Variants in TRHDE observed in about 807,000 individuals in gnomAD.
TRHDE encodes the protein thyrotropin-releasing hormone-degrading ectoenzyme.
TRHDE carries 72 observed loss-of-function variants against 125.7 expected under a neutral mutation model. That is an observed-to-expected ratio of 0.57 (90% CI 0.47 to 0.70). TRHDE has a LOEUF of 0.70. Among genes scored for constraint, TRHDE ranks in the 30% least tolerant of loss-of-function variants. The probability of loss-of-function intolerance (pLI) is 0.00; values close to 1 mark genes in which losing one functional copy is unlikely to be tolerated. For synonymous variants in TRHDE, 509 were observed against 509.1 expected, an observed-to-expected ratio of 1.00 and a Z score of 0.00; for missense variants, 1,110 against 1,327.1, an observed-to-expected ratio of 0.84 and a Z score of 2.54.
intron 5 of TRHDE, among the ~76,000 whole-genome samples, chr12:72,491,760 T>TAA (rs1877695268): frequency 6.6e-6 from 1 of 151,970 alleles, no homozygotes; most frequent in Non-Finnish European, 1.5e-5. Flanking sequence ...TATAATCGCT[T>TAA]TTTAAGTTTA....
chr12:72,455,828 C>A (rs1029406683), intron 3 of TRHDE, among the ~76,000 whole-genome samples: 2 of 151,864 alleles, frequency 1.3e-5, no homozygotes, highest in Non-Finnish European at 2.9e-5. Flanking sequence ...TGGGACAGAA[C>A]CCACAAGTAT....
At chr12:72,596,511 A>G (rs1871947205) in intron 12 of TRHDE, among the ~76,000 whole-genome samples, 1 of 152,204 alleles carries the variant, frequency 6.6e-6, no homozygotes, top group Admixed American at 6.5e-5. Context: ...ACAGCATTTT[A>G]TAATACATTG....
intron 2 of TRHDE, among the ~76,000 whole-genome samples, chr12:72,225,810 A>T (rs1878117512): frequency 6.6e-6 from 1 of 152,146 alleles, no homozygotes. Flanking sequence ...AAGAAAGGCT[A>T]GGTGTTTGTA....
At chr12:72,244,464 G>A (rs1439748521) in intron 2 of TRHDE, among the ~76,000 whole-genome samples, 1 of 151,906 alleles carries the variant, frequency 6.6e-6, no homozygotes, top group Non-Finnish European at 1.5e-5. Flanking sequence ...ATGGCTACAT[G>A]AACTAATTAA....
rs562645552 is a variant in TRHDE at position 72,152,834 on chromosome 12, C to T, written n.279+47082C>T. On this transcript the variant is annotated intron_variant and non_coding_transcript_variant, in intron 2 of 4. Coordinates refer to the TRHDE transcript ENST00000548156. ...TGAGGATTTTTGCATCAATGTTCAT[C>T]AGGGATATTGGTCTAAAATTCTCTT... 6.8e-4 allele frequency among the ~76,000 whole-genome samples: 104 copies of T among 152,260 alleles called. 1 individual carries two copies. The East Asian group carries it at 0.016, about 24-fold the overall frequency.
chr12:72,481,874 T>C (rs1877190148), intron 5 of TRHDE, among the ~76,000 whole-genome samples: 1 of 152,018 alleles, frequency 6.6e-6, no homozygotes, highest in Non-Finnish European at 1.5e-5. Flanking sequence ...AATGCTTTTC[T>C]CCCCTTAGCA....
At chr12:72,527,198 G>A (rs937894663) in intron 6 of TRHDE, among the ~76,000 whole-genome samples, 3 of 152,182 alleles carry the variant, frequency 2.0e-5, no homozygotes, top group Admixed American at 6.5e-5. Context: ...GGGTTTTGCA[G>A]AGCATGGCTC....
intron 12 of TRHDE, among the ~76,000 whole-genome samples, chr12:72,587,801 A>G (rs1592556112): frequency 6.6e-6 from 1 of 152,272 alleles, no homozygotes; most frequent in African/African-American, 2.4e-5. Flanking sequence ...TAAAATATTC[A>G]CCTACTTCAA....
At chr12:72,189,846 T>G (rs1487738107) in intron 2 of TRHDE, among the ~76,000 whole-genome samples, 1 of 152,158 alleles carries the variant, frequency 6.6e-6, no homozygotes, top group East Asian at 1.9e-4. Context: ...AGTGCAAAGC[T>G]CTGCCACTTA....
chr12:72,391,704 A>C lies in TRHDE; in HGVS notation c.1315+13583A>C, dbSNP rs376427754. 1.1e-4 allele frequency among the ~76,000 whole-genome samples: 17 copies of C among 152,288 alleles called. No homozygotes were observed. The East Asian group carries it at 2.9e-3, about 26-fold the overall frequency. On this transcript the variant is annotated intron_variant, in intron 3 of 18. Transcript: ENST00000261180. ...TAGGATCATTTAGCTTCTTAAATAC[A>C]TTGAGATATACCGTGTCAATTTTTA...
At chr12:72,575,640 T>A (rs1221993890) in intron 12 of TRHDE, 98 bp downstream of exon 12, 17 of 1,132,714 alleles carry the variant, frequency 1.5e-5, no homozygotes, top group East Asian at 9.8e-5. Flanking sequence ...TTAGGACATT[T>A]AAAAAAATCT....
At chr12:72,252,729 T>C (rs1031355037) in intron 2 of TRHDE, among the ~76,000 whole-genome samples, 16 of 152,246 alleles carry the variant, frequency 1.1e-4, no homozygotes, top group Middle Eastern at 3.4e-3. Context: ...TTGAGGCAAA[T>C]TGACATTTTT....
At chr12:72,214,712 G>A (rs553257855) in intron 2 of TRHDE, among the ~76,000 whole-genome samples, 25 of 152,028 alleles carry the variant, frequency 1.6e-4, no homozygotes, top group Admixed American at 7.2e-4. Context: ...CTAAATACAC[G>A]GATTTGTTTT....
At chr12:72,262,801 T>A (rs1325299875) in intron 2 of TRHDE, 1 of 152,162 alleles carries the variant, frequency 6.6e-6, no homozygotes, top group Non-Finnish European at 1.5e-5. Context: ...CCATCACTCA[T>A]GAAGTTTACC....
intron 6 of TRHDE, among the ~76,000 whole-genome samples, chr12:72,536,068 T>C (rs989003833): frequency 1.3e-5 from 2 of 152,148 alleles, no homozygotes; most frequent in Non-Finnish European, 2.9e-5. Context: ...TCTTAACTTC[T>C]CTTGTGCTGG....
intron 2 of TRHDE, among the ~76,000 whole-genome samples, chr12:72,180,517 C>G (rs1448757396): frequency 1.3e-5 from 2 of 152,066 alleles, no homozygotes; most frequent in Non-Finnish European, 2.9e-5. Context: ...TGTTTCTCAC[C>G]TGGTCATTTT....
chr12:72,154,639 T>G (rs1876459420), intron 2 of TRHDE, among the ~76,000 whole-genome samples: 1 of 152,230 alleles, frequency 6.6e-6, no homozygotes, highest in Non-Finnish European at 1.5e-5. Flanking sequence ...ATTTTGTTTC[T>G]CCTTTACTTT....
At chr12:72,608,117 T>A (rs1392456205) in intron 12 of TRHDE, among the ~76,000 whole-genome samples, 1 of 152,150 alleles carries the variant, frequency 6.6e-6, no homozygotes, top group African/African-American at 2.4e-5. Flanking sequence ...TGAGATGGGC[T>A]ATCTCTGGGT....
chr12:72,142,074 GA>G (rs199924798), intron 2 of TRHDE, among the ~76,000 whole-genome samples: 182 of 122,388 alleles, frequency 1.5e-3, no homozygotes, highest in Admixed American at 1.9e-3. Flanking sequence ...TGCTCCACCA[GA>G]AAAAAAAAAA....
Sources: allele counts gnomAD v4.1 joint callset (sites outside exome capture counted in the v4.1 genomes callset), GRCh38; gene constraint gnomAD v4.1.1; transcripts MANE v1.5; gene names NCBI Gene and HGNC (gene_info 2026-07-23, HGNC 2026-07-21).